The following REPS1 variants were observed in gnomAD, a reference collection of about 807,000 sequenced individuals.
The protein encoded by REPS1 is RALBP1 associated Eps domain containing 1.
A neutral mutation model predicts 100.9 loss-of-function variants in REPS1; 39 were observed. The observed-to-expected ratio is 0.39, with a 90% CI of 0.30 to 0.50. REPS1 has a LOEUF of 0.50. REPS1 is among the 20% of genes least tolerant of loss of function. The probability of loss-of-function intolerance (pLI) is 0.86; values close to 1 mark genes in which losing one functional copy is unlikely to be tolerated. For synonymous variants in REPS1, 324 were observed against 340.3 expected (o/e 0.95, Z 0.53); for missense variants, 821 against 968.5 (o/e 0.85, Z 2.02).
intron 12 of REPS1, among the ~76,000 whole-genome samples, chr6:138,918,478 C>T (rs1780553873): frequency 1.3e-5 from 2 of 152,102 alleles, no homozygotes; most frequent in African/African-American, 4.8e-5. Flanking sequence ...ACATAACTTA[C>T]ATATGTGCAG....
Position 138,965,945 on chromosome 6 carries a change from G to A in REPS1, c.154-18032C>T, listed in dbSNP as rs577295744. 1.6e-3 allele frequency among the ~76,000 whole-genome samples: 249 copies of A among 152,200 alleles called. 1 individual carries two copies. The Middle Eastern group carries it at 0.037, about 23-fold the overall frequency. The stretch of plus-strand genomic sequence containing the variant: ...TTACAATAAAACATTTAAACACAGT[G>A]GGCCAGGCATCATTTTAAGCACTTT... On this transcript the variant is annotated intron_variant, in intron 1 of 19. Coordinates refer to ENST00000450536, the MANE Select transcript of REPS1 (RefSeq NM_001286611.2).
At chr6:138,946,787 T>G (rs915352096) in intron 2 of REPS1, among the ~76,000 whole-genome samples, 1 of 152,236 alleles carries the variant, frequency 6.6e-6, no homozygotes, top group African/African-American at 2.4e-5. Flanking sequence ...TGCATTTAAG[T>G]GCCTTTCTTT....
intron 13 of REPS1, 191 bp from the exon 14 acceptor site, chr6:138,916,167 A>T: frequency 1.9e-5 from 8 of 425,594 alleles, no homozygotes; most frequent in Middle Eastern, 6.5e-4. Context: ...TGATTATTTT[A>T]TGTGGCTAAC....
At chr6:138,975,706 C>T (rs1392205261) in intron 1 of REPS1, among the ~76,000 whole-genome samples, 6 of 152,138 alleles carry the variant, frequency 3.9e-5, no homozygotes, top group African/African-American at 4.8e-5. Context: ...CAGTGGCAGG[C>T]GCCTGTAATC....
chr6:138,914,905 A>T, intron 14 of REPS1, 144 bp from the exon 15 acceptor site: 1 of 688,802 alleles, frequency 1.5e-6, no homozygotes, highest in Non-Finnish European at 2.5e-6. Context: ...AACTTGTTAC[A>T]TGGTCTGTAT....
At chr6:138,935,103 TC>T (rs1781722441) in intron 8 of REPS1, among the ~76,000 whole-genome samples, 1 of 152,178 alleles carries the variant, frequency 6.6e-6, no homozygotes, top group East Asian at 1.9e-4. Context: ...CCCCAACACT[TC>T]ACAAAATGGA....
intron 1 of REPS1, among the ~76,000 whole-genome samples, chr6:138,981,239 C>A (rs1784933851): frequency 6.6e-6 from 1 of 152,152 alleles, no homozygotes; most frequent in Non-Finnish European, 1.5e-5. Flanking sequence ...AAATTCAACA[C>A]CTGGCTAATT....
At chr6:138,925,182 C>G (rs1781020916) in intron 10 of REPS1, among the ~76,000 whole-genome samples, 1 of 104,340 alleles carries the variant, frequency 9.6e-6, no homozygotes, top group South Asian at 3.4e-4. Context: ...CCCGCCTCTA[C>G]TAAAAAATAC....
Position 138,908,758 on chromosome 6 carries a change from G to C in REPS1, c.2126C>G (p.Ser709Ter). 6.2e-7 allele frequency: 1 copy of C among 1,614,126 alleles called. No individual in the cohort carries two copies. Among genetic ancestry groups the C allele is most frequent in the Non-Finnish European group, 8.5e-7 (1 of 1,179,998 alleles). Residue 709 changes from serine to a stop codon, truncating the protein, a stop_gained, in exon 18 of 20, where the codon TCA (serine) becomes TGA (stop). Transcript: ENST00000450536. LOFTEE classifies it high-confidence loss of function. ...AACTTCTGGCCTTAATTCATCTTCT[G>C]ATTTTAATCTTCTTCGAACAGGTTT... is the stretch of plus-strand genomic sequence containing the variant. ...PPKPVRRRLK[S>*]EDELRPEVDE...
chr6:138,941,259 T>C (rs1782229473), intron 8 of REPS1, 76 bp downstream of exon 8: 4 of 1,477,204 alleles, frequency 2.7e-6, no homozygotes, highest in Non-Finnish European at 1.9e-6. Flanking sequence ...TTAACCTCTA[T>C]CTTGATTTTT....
At chr6:138,946,441 AG>A (rs1582799245) in intron 2 of REPS1, among the ~76,000 whole-genome samples, 1 of 152,220 alleles carries the variant, frequency 6.6e-6, no homozygotes, top group Non-Finnish European at 1.5e-5. Context: ...ATCATTTCAG[AG>A]GAAAGCGTAC....
At chr6:138,967,572 G>A (rs922749281) in intron 1 of REPS1, among the ~76,000 whole-genome samples, 4 of 152,102 alleles carry the variant, frequency 2.6e-5, no homozygotes, top group Non-Finnish European at 5.9e-5. Context: ...TAATTTTAGG[G>A]TAAAGGTAGT....
intron 8 of REPS1, among the ~76,000 whole-genome samples, chr6:138,939,197 A>C (rs917428428): frequency 6.6e-6 from 1 of 152,218 alleles, no homozygotes; most frequent in Non-Finnish European, 1.5e-5. Context: ...GTAAATATGA[A>C]AAGCAGATTT....
chr6:138,943,620 C>T (rs771830668), intron 6 of REPS1, 44 bp from the exon 7 acceptor site: 10 of 1,382,402 alleles, frequency 7.2e-6, no homozygotes, highest in South Asian at 1.2e-5. Context: ...TCTGAACTTA[C>T]GGATCCACGA....
At chr6:138,909,286 A>T (rs1188870) in intron 17 of REPS1, among the ~76,000 whole-genome samples, 68,086 of 152,028 alleles carry the variant, frequency 0.45, 15,527 homozygotes, top group Admixed American at 0.55. Context: ...TAATATGCAC[A>T]GTAATTATAA....
Position 138,921,664 on chromosome 6 carries a change from G to A in REPS1, c.1339-540C>T, listed in dbSNP as rs371224215. Among the ~76,000 whole-genome samples the A allele has an allele frequency of 6.2e-5, 8 of 129,638 alleles. 1 individual carries two copies. The highest frequency in any genetic ancestry group is 1.4e-4 in the African/African-American group (5 of 34,830). 85.0% of individuals were successfully genotyped at this position (129,638 alleles called of 152,430 possible). ...TGATCTTGGCTCACTGCAACCTTCC[G>A]CCTCCCAGGTACAAGTGATTCTCCT... On this transcript the variant is annotated intron_variant, in intron 10 of 19. Transcript: ENST00000450536.
chr6:138,952,089 G>C (rs1783074553), intron 1 of REPS1, among the ~76,000 whole-genome samples: 1 of 151,956 alleles, frequency 6.6e-6, no homozygotes, highest in Non-Finnish European at 1.5e-5. Flanking sequence ...ACCATGCTTT[G>C]TTTTTTTAAT....
At chr6:138,925,465 A>G (rs527625313) in intron 10 of REPS1, among the ~76,000 whole-genome samples, 9 of 152,362 alleles carry the variant, frequency 5.9e-5, no homozygotes, top group Non-Finnish European at 1.0e-4. Context: ...TCTTTAGATG[A>G]CAAGACCATT....
In REPS1 at chr6:138,941,390, T is replaced by C; in HGVS notation, c.1080A>G (p.Pro360=). 1 of 1,614,118 alleles carries C rather than the reference T, an allele frequency of 6.2e-7. No homozygotes were observed. The highest frequency in any genetic ancestry group is 8.5e-7 in the Non-Finnish European group (1 of 1,180,002). Residue 360 remains proline (P), a synonymous_variant, in exon 8 of 20, where the codon CCA becomes CCG. Coordinates refer to ENST00000450536, the MANE Select transcript of REPS1 (RefSeq NM_001286611.2). ...GCATTAAGCTTTCAGGAAGTTTTTC[T>C]GGTAAATCATAGCCATTCTTCCTAG... The part of the protein sequence containing the change: ...VVARKNGYDL[P]EKLPESLMPK...
Sources: allele counts gnomAD v4.1 joint callset (sites outside exome capture counted in the v4.1 genomes callset), GRCh38; gene constraint gnomAD v4.1.1; transcripts MANE v1.5; gene names NCBI Gene and HGNC (gene_info 2026-07-23, HGNC 2026-07-21).